Variants in ARSB observed in about 807,000 individuals in gnomAD.
The protein encoded by ARSB is arylsulfatase B, also known as N-acetylgalactosamine-4-sulfatase.
A neutral mutation model predicts 50.9 loss-of-function variants in ARSB; 41 were observed. That is an observed-to-expected ratio of 0.81 (90% confidence interval 0.63 to 1.04). The LOEUF (loss-of-function observed/expected upper bound fraction) is 1.04. Ranked by LOEUF, ARSB falls within the 50% of genes least tolerant of loss-of-function variation. The probability of loss-of-function intolerance (pLI) is 0.00; values close to 1 mark genes in which losing one functional copy is unlikely to be tolerated. For missense variants in ARSB, 672 were observed against 693.3 expected, an observed-to-expected ratio of 0.97 and a Z score of 0.35; for synonymous variants, 269 against 284.8, an observed-to-expected ratio of 0.94 and a Z score of 0.56.
chr5:78,949,615 A>C (rs755294798), intron 4 of ARSB, among the ~76,000 whole-genome samples: 7 of 152,256 alleles, frequency 4.6e-5, no homozygotes, highest in Non-Finnish European at 1.0e-4. Flanking sequence ...TTATTCTGGT[A>C]AGGCTTAATA....
At position 78,834,627 on chromosome 5, in the gene ARSB, A is replaced by G. The variant is rs1027861583; in HGVS notation, c.1213+4729T>C. ...TATGTGTATATATATATATATATAT[A>G]TATATATATATATATATATGCCACA... On this transcript the variant is annotated intron_variant, in intron 6 of 7. Coordinates refer to ENST00000264914, the MANE Select transcript of ARSB (RefSeq NM_000046.5). Among the ~76,000 whole-genome samples, 48 of 128,704 alleles carry G rather than the reference A, an allele frequency of 3.7e-4. 2 individuals carry two copies. Among genetic ancestry groups the G allele is most frequent in the East Asian group, 1.1e-3 (5 of 4,464 alleles). 84.4% of individuals were successfully genotyped at this position (128,704 alleles called of 152,430 possible).
chr5:78,880,419 C>T (rs1373598352), intron 5 of ARSB, among the ~76,000 whole-genome samples: 1 of 152,174 alleles, frequency 6.6e-6, no homozygotes, highest in Non-Finnish European at 1.5e-5. Context: ...TCCTATAAAG[C>T]TTTGATTCCA....
intron 4 of ARSB, among the ~76,000 whole-genome samples, chr5:78,922,048 C>T (rs1417570182): frequency 6.6e-6 from 1 of 152,122 alleles, no homozygotes; most frequent in East Asian, 1.9e-4. Flanking sequence ...GATCAACAAT[C>T]CCAGTGGTTG....
At chr5:78,802,202 C>A (rs1743419014) in intron 6 of ARSB, among the ~76,000 whole-genome samples, 1 of 152,156 alleles carries the variant, frequency 6.6e-6, no homozygotes, top group Non-Finnish European at 1.5e-5. Context: ...AACACTTCCT[C>A]AGAGCAGATA....
At chr5:78,984,135 A>G (rs543717812) in intron 1 of ARSB, among the ~76,000 whole-genome samples, 19 of 152,334 alleles carry the variant, frequency 1.2e-4, no homozygotes, top group African/African-American at 4.3e-4. Flanking sequence ...TTCTTATGCC[A>G]ACGAGCCTTT....
chr5:78,786,291 T>C (rs1270223236), intron 6 of ARSB, among the ~76,000 whole-genome samples: 1 of 152,242 alleles, frequency 6.6e-6, no homozygotes, highest in Non-Finnish European at 1.5e-5. Context: ...GGCATAATGT[T>C]CTCAAGGTTC....
At chr5:78,882,878 G>A (rs1348215395) in intron 5 of ARSB, 1 of 145,240 alleles carries the variant, frequency 6.9e-6, no homozygotes, top group East Asian at 2.1e-4. Flanking sequence ...CCATCTCCTG[G>A]GTTCAAGCAA....
rs777189032 is a variant in ARSB, at chr5:78,839,431, A to G, written c.1143-5T>C. 2 of 1,612,814 alleles carry G rather than the reference A, an allele frequency of 1.2e-6. No individual in the cohort carries two copies. The highest frequency in any genetic ancestry group is 1.7e-6 in the Non-Finnish European group (2 of 1,178,978). On this transcript the variant is annotated splice_region_variant and splice_polypyrimidine_tract_variant and intron_variant, in intron 5 of 7. Transcript: ENST00000264914. The stretch of plus-strand genomic sequence containing the variant: ...CTGGGGGATGGGCTTCCTTCACTGG[A>G]AAACAATTTTTAAGGGAATGTTAAT...
intron 5 of ARSB, among the ~76,000 whole-genome samples, chr5:78,840,898 A>G (rs528389340): frequency 5.3e-5 from 8 of 152,330 alleles, no homozygotes; most frequent in African/African-American, 1.9e-4. Context: ...CTACGGTTTG[A>G]TCCCAGAAGC....
intron 6 of ARSB, among the ~76,000 whole-genome samples, chr5:78,817,411 T>A (rs1011812892): frequency 6.6e-6 from 1 of 152,072 alleles, no homozygotes; most frequent in Non-Finnish European, 1.5e-5. Flanking sequence ...TAAATAAAGA[T>A]AAAAGTATGT....
chr5:78,864,311 G>A (rs1396227495), intron 5 of ARSB, among the ~76,000 whole-genome samples: 1 of 152,196 alleles, frequency 6.6e-6, no homozygotes, highest in African/African-American at 2.4e-5. Flanking sequence ...GGAAGGCAAG[G>A]AGGAGCAAGT....
At chr5:78,796,791 C>T (rs1208944217) in intron 6 of ARSB, among the ~76,000 whole-genome samples, 1 of 151,920 alleles carries the variant, frequency 6.6e-6, no homozygotes, top group Non-Finnish European at 1.5e-5. Flanking sequence ...GTAGCTGGGA[C>T]TACAGGCACA....
intron 1 of ARSB, among the ~76,000 whole-genome samples, chr5:78,972,708 A>G (rs1042826007): frequency 3.3e-5 from 5 of 152,236 alleles, no homozygotes; most frequent in African/African-American, 7.2e-5. Context: ...GTGGAGATAA[A>G]TGCTCTGCGA....
chr5:78,805,982 T>C (rs1440666005), intron 6 of ARSB, among the ~76,000 whole-genome samples: 1 of 152,232 alleles, frequency 6.6e-6, no homozygotes. Context: ...GCAAATTGCT[T>C]AACTTTCTAA....
At chr5:78,864,834 G>A (rs1746631038) in intron 5 of ARSB, among the ~76,000 whole-genome samples, 1 of 152,206 alleles carries the variant, frequency 6.6e-6, no homozygotes, top group Non-Finnish European at 1.5e-5. Flanking sequence ...CAGGGCCCAT[G>A]CAAGTCCAAA....
At chr5:78,832,847 T>C (rs1464006983) in intron 6 of ARSB, among the ~76,000 whole-genome samples, 1 of 152,188 alleles carries the variant, frequency 6.6e-6, no homozygotes, top group African/African-American at 2.4e-5. Flanking sequence ...TCATCTATAA[T>C]CAAGCTTCTA....
intron 4 of ARSB, among the ~76,000 whole-genome samples, chr5:78,907,125 CTG>C (rs1439542211): frequency 2.0e-5 from 3 of 152,118 alleles, no homozygotes; most frequent in Non-Finnish European, 4.4e-5. Flanking sequence ...AAGGTAAAAA[CTG>C]GGGAATTAGA....
At chr5:78,918,332 T>C (rs943357058) in intron 4 of ARSB, among the ~76,000 whole-genome samples, 1 of 152,312 alleles carries the variant, frequency 6.6e-6, no homozygotes, top group African/African-American at 2.4e-5. Context: ...TAGAAACTTT[T>C]CAGGGATGTT....
chr5:78,806,397 T>A (rs1174844129), intron 6 of ARSB, among the ~76,000 whole-genome samples: 1 of 152,250 alleles, frequency 6.6e-6, no homozygotes, highest in Non-Finnish European at 1.5e-5. Context: ...ATCTTTCATA[T>A]GAACAACCAT....
Sources: gnomAD v4.1 joint callset for allele counts (sites outside exome capture counted in the v4.1 genomes callset) on GRCh38, gnomAD v4.1.1 for gene constraint, MANE v1.5 for transcripts, NCBI Gene and HGNC (gene_info 2026-07-23, HGNC 2026-07-21) for gene names.